The following DNAH3 variants were observed in gnomAD, a reference collection of about 807,000 sequenced individuals.
The protein encoded by DNAH3 is dynein axonemal heavy chain 3.
DNAH3 carries 332 observed loss-of-function variants against 432.5 expected under a neutral mutation model. That is an observed-to-expected ratio of 0.77 (90% CI 0.70 to 0.84). The LOEUF is 0.84. DNAH3 is among the 40% of genes least tolerant of loss of function. The probability of loss-of-function intolerance (pLI) is 0.00; values close to 1 mark genes in which losing one functional copy is unlikely to be tolerated. For missense variants in DNAH3, 4,861 were observed against 5,114.0 expected (o/e 0.95, Z 1.51); for synonymous variants, 1,956 against 1,900.2 (o/e 1.03, Z -0.76).
intron 52 of DNAH3, among the ~76,000 whole-genome samples, chr16:20,967,692 G>A (rs1167613298): frequency 6.6e-6 from 1 of 151,094 alleles, no homozygotes; most frequent in African/African-American, 2.4e-5. Context: ...ATTTTTAGTA[G>A]AGACAGGATT....
chr16:21,083,891 T>C (rs1239743522), intron 19 of DNAH3, among the ~76,000 whole-genome samples: 1 of 152,178 alleles, frequency 6.6e-6, no homozygotes, highest in East Asian at 1.9e-4. Flanking sequence ...TTGTCCTTTC[T>C]GAACTTGCCT....
intron 7 of DNAH3, among the ~76,000 whole-genome samples, chr16:21,129,619 C>T (rs1164082387): frequency 1.3e-5 from 2 of 150,902 alleles, no homozygotes; most frequent in Non-Finnish European, 2.9e-5. Context: ...TGTCTGTAAT[C>T]CCAGCTACTC....
At chr16:21,121,362 G>T (rs1330514571) in intron 10 of DNAH3, among the ~76,000 whole-genome samples, 1 of 152,180 alleles carries the variant, frequency 6.6e-6, no homozygotes, top group South Asian at 2.1e-4. Flanking sequence ...GAAAGGAATG[G>T]TTATTCTCTC....
intron 1 of DNAH3, among the ~76,000 whole-genome samples, 173 bp from the exon 3 acceptor site, chr16:21,146,261 A>G (rs2092782125): frequency 6.6e-6 from 1 of 152,156 alleles, no homozygotes; most frequent in Admixed American, 6.5e-5. Context: ...TTATTTAAAA[A>G]TTAACAGATA....
intron 21 of DNAH3, among the ~76,000 whole-genome samples, chr16:21,073,672 G>A (rs756508511): frequency 2.0e-5 from 3 of 152,108 alleles, no homozygotes; most frequent in Non-Finnish European, 4.4e-5. Context: ...CCCTAAGACA[G>A]TCCATAGAAA....
exon 53 of DNAH3, chr16:20,963,678 T>A: frequency 6.2e-7 from 1 of 1,614,074 alleles, no homozygotes; most frequent in South Asian, 1.1e-5. Flanking sequence ...GGTTATCCAG[T>A]GCGATGCCTC....
chr16:20,974,153 G>A lies in DNAH3; in HGVS notation c.8259+1080C>T, dbSNP rs554580009. Among the ~76,000 whole-genome samples the A allele has an allele frequency of 2.7e-4, 41 of 152,094 alleles. 1 individual carries two copies. Among genetic ancestry groups the A allele is most frequent in the South Asian group, 2.3e-3 (11 of 4,806 alleles). On this transcript the variant is annotated intron_variant, in intron 51 of 61. Transcript: ENST00000261383. Reference sequence around the variant, plus strand: ...TCCCACCTCAGTCTCCTGAGTAGCCGGGACCATAGGTGCATGCCACCACAG... The same window carrying A: ...TCCCACCTCAGTCTCCTGAGTAGCCAGGACCATAGGTGCATGCCACCACAG...
At chr16:21,086,946 G>T (rs778068572) in exon 19 of DNAH3, 1 of 1,614,176 alleles carries the variant, frequency 6.2e-7, no homozygotes, top group Admixed American at 1.7e-5. Flanking sequence ...CACATTCTCT[G>T]CTAAGCGCCT....
At position 21,127,761 on chromosome 16, in the gene DNAH3, C is replaced by T. The variant is rs748873392; in HGVS notation, c.1134G>A (p.Leu378=). 3.1e-6 allele frequency: 5 copies of T among 1,614,010 alleles called. No homozygotes were observed. The South Asian group carries it at 5.5e-5, about 18-fold the overall frequency. Residue 378 remains leucine (L), a synonymous_variant, in exon 8 of 62, where the codon TTG becomes TTA. Coordinates refer to ENST00000261383, the Ensembl canonical transcript of DNAH3. ...CCCAAAATTCCTGAGGCTGCAGAGG[C>T]AATTTTCCCGCTAGTATTTCTGCTG...
intron 5 of DNAH3, among the ~76,000 whole-genome samples, chr16:21,137,117 A>C (rs1433331805): frequency 6.6e-6 from 1 of 151,986 alleles, no homozygotes; most frequent in African/African-American, 2.4e-5. Flanking sequence ...CTGGGTGACC[A>C]ATCGAGACTC....
At chr16:21,039,784 G>T in intron 33 of DNAH3, 68 bp downstream of exon 33, 2 of 1,163,290 alleles carry the variant, frequency 1.7e-6, no homozygotes, top group Non-Finnish European at 2.6e-6. Flanking sequence ...AAACCACCTT[G>T]AATCTGCCAC....
intron 41 of DNAH3, among the ~76,000 whole-genome samples, chr16:21,007,129 C>T (rs78021122): frequency 0.025 from 3,783 of 151,788 alleles, 174 homozygotes; most frequent in African/African-American, 0.087. Flanking sequence ...AAGTAAGTAT[C>T]TCATTGTGGT....
intron 41 of DNAH3, among the ~76,000 whole-genome samples, chr16:21,012,130 T>C (rs2087631870): frequency 1.3e-5 from 2 of 152,108 alleles, no homozygotes; most frequent in South Asian, 4.1e-4. Flanking sequence ...AGAATTAAAA[T>C]CATTCAAGAC....
intron 31 of DNAH3, among the ~76,000 whole-genome samples, chr16:21,047,992 G>A (rs1048160431): frequency 2.6e-5 from 4 of 152,146 alleles, no homozygotes; most frequent in Admixed American, 2.6e-4. Context: ...CTGCTCGGGG[G>A]TCAGGGGTCA....
intron 39 of DNAH3, among the ~76,000 whole-genome samples, chr16:21,022,748 ATTTTT>A (rs111992683): frequency 7.0e-6 from 1 of 143,756 alleles, no homozygotes; most frequent in African/African-American, 2.5e-5. Flanking sequence ...TACTTACTAA[ATTTTT>A]TTTTTTTTTG....
intron 40 of DNAH3, among the ~76,000 whole-genome samples, chr16:21,021,291 T>C (rs1201499377): frequency 2.6e-5 from 4 of 152,212 alleles, no homozygotes; most frequent in Admixed American, 6.5e-5. Flanking sequence ...CATTTACTTT[T>C]TTGTTTTTTT....
At chr16:21,145,025 T>C (rs1210054612) in intron 3 of DNAH3, among the ~76,000 whole-genome samples, 156 bp downstream of exon 4, 5 of 152,024 alleles carry the variant, frequency 3.3e-5, no homozygotes, top group Non-Finnish European at 7.4e-5. Context: ...GGCAGGAGAA[T>C]CACTTGAATC....
At chr16:21,069,745 T>C (rs2090713995) in intron 22 of DNAH3, 151 bp from the exon 23 acceptor site, 1 of 672,436 alleles carries the variant, frequency 1.5e-6, no homozygotes, top group East Asian at 2.7e-5. Flanking sequence ...CCCTATGCTC[T>C]GGTCACTGCT....
rs1364086320 is a variant in DNAH3, at chr16:21,045,650, AG to A, written c.4462-3448del. ...GCTCCTGGATTCATTAATTTTTTGA[AG>A]GGTTTTTTGTGTCTCTATTTCCTTC... is the stretch of plus-strand genomic sequence containing the variant. On this transcript the variant is annotated intron_variant, in intron 31 of 61. Coordinates refer to ENST00000261383, the Ensembl canonical transcript of DNAH3. Among the ~76,000 whole-genome samples, 8 of 148,220 alleles carry A rather than the reference AG, an allele frequency of 5.4e-5. No individual in the cohort carries two copies. In the East Asian group the frequency reaches 5.9e-4, roughly 11 times the overall value.
Sources: gnomAD v4.1 joint callset for allele counts (sites outside exome capture counted in the v4.1 genomes callset) on GRCh38, gnomAD v4.1.1 for gene constraint, MANE v1.5 for transcripts, NCBI Gene and HGNC (gene_info 2026-07-23, HGNC 2026-07-21) for gene names.